The following UMAD1 variants were observed in gnomAD, a reference collection of about 807,000 sequenced individuals.
UMAD1 encodes UBAP1-MVB12-associated (UMA)-domain containing protein 1.
In UMAD1, 8 loss-of-function variants were observed where a neutral mutation model predicts 6.1. The observed-to-expected ratio is 1.30, with a 90% CI of 0.76 to 2.35. UMAD1 has a LOEUF of 2.35. Ranked by LOEUF, UMAD1 falls within the 30% of genes most tolerant of loss-of-function variation. The pLI is 0.00. For missense variants in UMAD1, 130 were observed against 78.4 expected, an observed-to-expected ratio of 1.66 and a Z score of -2.49; for synonymous variants, 56 against 31.4, an observed-to-expected ratio of 1.78 and a Z score of -2.61.
chr7:7,779,923 C>A (rs1360808616), intron 2 of UMAD1, among the ~76,000 whole-genome samples: 1 of 152,206 alleles, frequency 6.6e-6, no homozygotes, highest in Non-Finnish European at 1.5e-5. Flanking sequence ...GGATAACAGA[C>A]ATAAGCCACT....
chr7:7,704,766 C>CAAAAAAAAA (rs71011001), intron 2 of UMAD1, among the ~76,000 whole-genome samples: 2 of 17,852 alleles, frequency 1.1e-4, no homozygotes, highest in East Asian at 5.6e-3. Context: ...GACTCCATCT[C>CAAAAAAAAA]AAAAAAAAAA....
intron 2 of UMAD1, among the ~76,000 whole-genome samples, chr7:7,712,286 A>G (rs181699621): frequency 6.6e-6 from 1 of 152,268 alleles, no homozygotes; most frequent in African/African-American, 2.4e-5. Context: ...TTTATTGAAC[A>G]TATAGATTAA....
rs147917165 is a variant in UMAD1, at chr7:7,816,384, A to G, written c.156+14641A>G. On this transcript the variant is annotated intron_variant, in intron 3 of 3. Transcript: ENST00000682710. ...CCACAATAACTATATATTGACTTCA[A>G]TGATTTGTGTGCAGAACTAAACTGA... is the stretch of plus-strand genomic sequence containing the variant. Among the ~76,000 whole-genome samples the G allele has an allele frequency of 1.1e-3, 170 of 152,296 alleles. 1 individual carries two copies. The highest frequency in any genetic ancestry group is 3.5e-3 in the African/African-American group (145 of 41,538).
At chr7:7,732,893 A>G (rs976254124) in intron 2 of UMAD1, among the ~76,000 whole-genome samples, 4 of 152,244 alleles carry the variant, frequency 2.6e-5, no homozygotes, top group South Asian at 2.1e-4. Flanking sequence ...TTGGTCATCT[A>G]TGAAACAATT....
chr7:7,753,165 ATATAT>A (rs1367531005), intron 2 of UMAD1, among the ~76,000 whole-genome samples: 1 of 152,136 alleles, frequency 6.6e-6, no homozygotes, highest in Non-Finnish European at 1.5e-5. Flanking sequence ...TAGTAGGTGT[ATATAT>A]TTATGGAGTA....
chr7:7,746,226 C>T (rs1781572218), intron 2 of UMAD1, among the ~76,000 whole-genome samples: 1 of 152,156 alleles, frequency 6.6e-6, no homozygotes, highest in East Asian at 1.9e-4. Flanking sequence ...ATGGTAAAAG[C>T]ACAGTGTACT....
chr7:7,692,567 C>A (rs1780197800), intron 2 of UMAD1: 1 of 152,118 alleles, frequency 6.6e-6, no homozygotes, highest in African/African-American at 2.4e-5. Context: ...CTTAGAAATT[C>A]CACTTTTAGT....
intron 2 of UMAD1, among the ~76,000 whole-genome samples, chr7:7,733,099 G>A (rs1179022945): frequency 6.6e-6 from 1 of 152,092 alleles, no homozygotes; most frequent in African/African-American, 2.4e-5. Context: ...GCATTTTTGT[G>A]GACAAAGAGT....
At chr7:7,676,033 T>A in intron 2 of UMAD1, 1 of 397,798 alleles carries the variant, frequency 2.5e-6, no homozygotes, top group Non-Finnish European at 4.4e-6. Context: ...GTCAGCATCA[T>A]GTCTCAGCTC....
At chr7:7,767,167 C>T (rs982402149) in intron 2 of UMAD1, among the ~76,000 whole-genome samples, 1 of 140,086 alleles carries the variant, frequency 7.1e-6, no homozygotes, top group Admixed American at 7.6e-5. Flanking sequence ...CTCTGTCACC[C>T]AGGCTGGAGT....
intron 2 of UMAD1, among the ~76,000 whole-genome samples, chr7:7,800,626 T>A (rs10244372): frequency 0.28 from 42,146 of 152,026 alleles, 6,119 homozygotes; most frequent in East Asian, 0.38. Flanking sequence ...AAGTCTAATG[T>A]ATCATTCTTA....
intron 2 of UMAD1, among the ~76,000 whole-genome samples, chr7:7,702,696 A>G (rs1780490230): frequency 6.6e-6 from 1 of 152,236 alleles, no homozygotes; most frequent in Non-Finnish European, 1.5e-5. Context: ...ATTGAATCTT[A>G]CTTTTCCACT....
intron 3 of UMAD1, among the ~76,000 whole-genome samples, chr7:7,806,136 T>C (rs1289486518): frequency 1.3e-5 from 2 of 152,304 alleles, no homozygotes; most frequent in East Asian, 1.9e-4. Flanking sequence ...ATCAAATATC[T>C]TCCAAATGTG....
At chr7:7,775,001 CT>C (rs1234825265) in intron 2 of UMAD1, among the ~76,000 whole-genome samples, 1 of 152,120 alleles carries the variant, frequency 6.6e-6, no homozygotes, top group Non-Finnish European at 1.5e-5. Flanking sequence ...TTCTCTTGTT[CT>C]TTTAATCTCC....
intron 3 of UMAD1, among the ~76,000 whole-genome samples, chr7:7,819,061 GC>G (rs940662100): frequency 1.1e-4 from 16 of 152,090 alleles, no homozygotes; most frequent in Non-Finnish European, 2.1e-4. Context: ...TGTTGGCTAG[GC>G]TGGTCTCGAA....
intron 2 of UMAD1, among the ~76,000 whole-genome samples, chr7:7,741,581 T>A (rs1187880984): frequency 3.8e-4 from 26 of 68,684 alleles, no homozygotes; most frequent in Middle Eastern, 7.8e-3. Flanking sequence ...CGTCTCAAAA[T>A]AATAATAATA....
intron 3 of UMAD1, among the ~76,000 whole-genome samples, chr7:7,862,780 T>C (rs1784138283): frequency 6.6e-6 from 1 of 152,110 alleles, no homozygotes; most frequent in Admixed American, 6.5e-5. Flanking sequence ...CAGATGACAC[T>C]TGTCCATAAA....
chr7:7,660,935 C>T (rs980811156), intron 1 of UMAD1, among the ~76,000 whole-genome samples: 11 of 152,240 alleles, frequency 7.2e-5, no homozygotes, highest in East Asian at 3.9e-4. Flanking sequence ...CTTTCGGGTA[C>T]GCCAATCAAA....
At chr7:7,689,562 A>G (rs944701605) in intron 2 of UMAD1, 1 of 152,174 alleles carries the variant, frequency 6.6e-6, no homozygotes, top group Non-Finnish European at 1.5e-5. Flanking sequence ...AGATGTGCTT[A>G]TAATGCTATC....
Sources: gnomAD v4.1 joint callset for allele counts (sites outside exome capture counted in the v4.1 genomes callset) on GRCh38, gnomAD v4.1.1 for gene constraint, MANE v1.5 for transcripts, NCBI Gene and HGNC (gene_info 2026-07-23, HGNC 2026-07-21) for gene names.